The following CAMK4 variants were observed in gnomAD, a reference collection of about 807,000 sequenced individuals.
The protein encoded by CAMK4 is calcium/calmodulin-dependent protein kinase type IV.
A neutral mutation model predicts 44.9 loss-of-function variants in CAMK4; 22 were observed. The ratio of observed to expected loss-of-function variants is 0.49; its 90% CI spans 0.35 to 0.70. The LOEUF (loss-of-function observed/expected upper bound fraction) is 0.70, where lower values mean the gene tolerates loss of function less well. Ranked by LOEUF, CAMK4 falls within the 30% of genes least tolerant of loss-of-function variation. The probability of loss-of-function intolerance (pLI) is 0.01; values close to 1 mark genes in which losing one functional copy is unlikely to be tolerated. For missense variants in CAMK4, 498 were observed against 586.8 expected (o/e 0.85, Z 1.56); for synonymous variants, 218 against 215.4 (o/e 1.01, Z -0.11).
rs561112934 is a variant in CAMK4, at chr5:111,282,482, C to T, written c.161+57838C>T. Among the ~76,000 whole-genome samples the T allele has an allele frequency of 8.5e-5, 13 of 152,176 alleles. No homozygotes were observed. The East Asian group carries it at 2.5e-3, about 29-fold the overall frequency. ...CTCATTTTAAAAGTAGAACTTTTTG[C>T]GTGAATCAGTTAAATCACATTTTTC... On this transcript the variant is annotated intron_variant, in intron 1 of 10. Coordinates refer to ENST00000282356, the MANE Select transcript of CAMK4 (RefSeq NM_001744.6).
At chr5:111,283,167 T>C (rs1751092221) in intron 1 of CAMK4, 1 of 152,236 alleles carries the variant, frequency 6.6e-6, no homozygotes, top group South Asian at 2.1e-4. Flanking sequence ...TAGATTTGCA[T>C]AAAGATCTAT....
chr5:111,474,959 C>A (rs1482643619), intron 8 of CAMK4, among the ~76,000 whole-genome samples: 2 of 152,118 alleles, frequency 1.3e-5, no homozygotes, highest in Non-Finnish European at 2.9e-5. Flanking sequence ...GTCAGGAGAT[C>A]GAGACCATCC....
At chr5:111,369,967 A>T (rs1377143210) in intron 2 of CAMK4, among the ~76,000 whole-genome samples, 2 of 152,120 alleles carry the variant, frequency 1.3e-5, no homozygotes, top group Non-Finnish European at 2.9e-5. Context: ...ACCCACAGAT[A>T]TGGAGGGCTG....
chr5:111,353,037 G>A (rs1251509280), intron 2 of CAMK4, among the ~76,000 whole-genome samples: 1 of 151,976 alleles, frequency 6.6e-6, no homozygotes. Flanking sequence ...ACCTGCTATA[G>A]GAAACAGTTT....
intron 1 of CAMK4, among the ~76,000 whole-genome samples, chr5:111,296,313 C>A (rs1276665210): frequency 2.0e-5 from 3 of 152,158 alleles, no homozygotes; most frequent in African/African-American, 4.8e-5. Context: ...GTTAATAACA[C>A]CCCTATATTC....
chr5:111,482,887 G>A lies in CAMK4; in HGVS notation c.931G>A (p.Asp311Asn), dbSNP rs754754366. ...TAAAGCAGCCAATTTTGTACACATGGATACCGCTCAAAAGAAGCTCCAAGA... is the reference window on the plus strand; with the variant it reads ...TAAAGCAGCCAATTTTGTACACATGAATACCGCTCAAAAGAAGCTCCAAGA... ...TGKAANFVHM[D>N]TAQKKLQEFN... is the part of the protein sequence containing the mutation. Residue 311 changes from aspartate (D) to asparagine (N), a missense_variant, in exon 10 of 11, where the codon GAT becomes AAT. Asp to Asn is a conservative substitution (Grantham distance 23). Transcript: ENST00000282356. This position sits in a 1 kb window ranked among gnomAD's most constrained non-coding sequence, Gnocchi z 4.9. 2 of 1,613,114 alleles carry A rather than the reference G, an allele frequency of 1.2e-6. No individual in the cohort carries two copies. The highest frequency in any genetic ancestry group is 1.7e-6 in the Non-Finnish European group (2 of 1,179,574).
In CAMK4 at chr5:111,399,947, G is replaced by A. The variant is rs116294456; in HGVS notation, c.459+5165G>A. Among the ~76,000 whole-genome samples the A allele has an allele frequency of 4.7e-3, 721 of 152,262 alleles. 4 individuals are homozygous for A. The highest frequency in any genetic ancestry group is 0.017 in the African/African-American group (699 of 41,550). ...TGAAAAATGGATGTTCTCAGCATCA[G>A]AATTTTCCACCTGTTGGAGTTATAC... On this transcript the variant is annotated intron_variant, in intron 5 of 10. Coordinates refer to ENST00000282356, the MANE Select transcript of CAMK4 (RefSeq NM_001744.6).
intron 1 of CAMK4, among the ~76,000 whole-genome samples, chr5:111,312,029 A>G (rs1748227090): frequency 6.6e-6 from 1 of 152,198 alleles, no homozygotes; most frequent in African/African-American, 2.4e-5. Context: ...ATCCTAGAAA[A>G]TGTTAGTCCT....
intron 2 of CAMK4, among the ~76,000 whole-genome samples, chr5:111,373,466 A>G (rs1458120083): frequency 6.6e-6 from 1 of 152,168 alleles, no homozygotes; most frequent in Non-Finnish European, 1.5e-5. Flanking sequence ...GAACATATAA[A>G]GTTGGAAAAA....
intron 1 of CAMK4, among the ~76,000 whole-genome samples, chr5:111,321,080 C>G (rs1458734344): frequency 6.6e-6 from 1 of 152,102 alleles, no homozygotes; most frequent in Non-Finnish European, 1.5e-5. Flanking sequence ...TACCTACACC[C>G]CTGGAAGTGA....
intron 10 of CAMK4, 82 bp from the exon 11 acceptor site, chr5:111,483,944 C>A: frequency 9.1e-7 from 1 of 1,095,856 alleles, no homozygotes; most frequent in South Asian, 2.0e-5. Context: ...AAACGGAATC[C>A]CTAAAAGCAA....
chr5:111,395,038 A>T (rs934464322), intron 5 of CAMK4, among the ~76,000 whole-genome samples: 2 of 151,874 alleles, frequency 1.3e-5, no homozygotes, highest in African/African-American at 2.4e-5. Context: ...GTGAAACGCC[A>T]TATCTAATAA....
chr5:111,310,494 G>A lies in CAMK4; in HGVS notation c.162-33530G>A, dbSNP rs529810430. Among the ~76,000 whole-genome samples, 11 of 152,274 alleles carry A rather than the reference G, an allele frequency of 7.2e-5. No homozygotes were observed. In the South Asian group the frequency reaches 2.3e-3, roughly 32 times the overall value. ...ATCTGAATTTTACCCATTGGCAATAGGGGGTAATTGAAAGGTTTTAAAAAG... is the reference window on the plus strand; with the variant it reads ...ATCTGAATTTTACCCATTGGCAATAAGGGGTAATTGAAAGGTTTTAAAAAG... On this transcript the variant is annotated intron_variant, in intron 1 of 10. Coordinates refer to ENST00000282356, the MANE Select transcript of CAMK4 (RefSeq NM_001744.6).
At chr5:111,254,759 T>TA (rs1365240918) in intron 1 of CAMK4, among the ~76,000 whole-genome samples, 1 of 152,168 alleles carries the variant, frequency 6.6e-6, no homozygotes, top group Non-Finnish European at 1.5e-5. Flanking sequence ...CTCTACATCA[T>TA]TAGGCACCTG....
chr5:111,374,928 C>A lies in CAMK4; in HGVS notation c.303+16C>A, dbSNP rs764484989. The stretch of plus-strand genomic sequence containing the variant: ...TCCAAACATTGTAAGTGGTTTTTAA[C>A]CTACTATTTCAAATGATTGCCAGAG... On this transcript the variant is annotated intron_variant, in intron 3 of 10. Coordinates refer to ENST00000282356, the MANE Select transcript of CAMK4 (RefSeq NM_001744.6). The A allele has an allele frequency of 1.3e-6, 2 of 1,565,954 alleles. No homozygotes were observed. Among genetic ancestry groups the A allele is most frequent in the Non-Finnish European group, 8.8e-7 (1 of 1,136,980 alleles).
chr5:111,448,534 G>C (rs565737947), intron 6 of CAMK4, among the ~76,000 whole-genome samples: 2 of 152,192 alleles, frequency 1.3e-5, no homozygotes, highest in Non-Finnish European at 2.9e-5. Flanking sequence ...TTGGCTGGGC[G>C]CGGGGGCTCA....
rs1176120789 is a variant in CAMK4 at position 111,469,144 on chromosome 5, C to CAA, written c.626-4139_626-4138dup. The stretch of plus-strand genomic sequence containing the variant: ...GGGCAACAAGAGTGAAACTCCATCT[C>CAA]AAAAAAAAAAAAAAAAAAAAAAAAA... On this transcript the variant is annotated intron_variant, in intron 7 of 10. Transcript: ENST00000282356. 2.3e-3 allele frequency among the ~76,000 whole-genome samples: 155 copies of CAA among 67,486 alleles called. 9 individuals carry two copies. Among genetic ancestry groups the CAA allele is most frequent in the East Asian group, 5.2e-3 (7 of 1,334 alleles). The allele number at this position is 67,486 out of a possible 152,430, so 44.3% of individuals were successfully genotyped here.
At chr5:111,480,080 C>T (rs1755379634) in intron 9 of CAMK4, among the ~76,000 whole-genome samples, 1 of 152,116 alleles carries the variant, frequency 6.6e-6, no homozygotes, top group Admixed American at 6.5e-5. Context: ...CTGCCACTCT[C>T]TCCTGTGCCA....
intron 1 of CAMK4, among the ~76,000 whole-genome samples, chr5:111,251,331 T>G (rs1749481915): frequency 6.6e-6 from 1 of 152,224 alleles, no homozygotes; most frequent in Non-Finnish European, 1.5e-5. Flanking sequence ...AGGAAGAGAT[T>G]TCTTTTTGAA....
Sources: allele counts gnomAD v4.1 joint callset (sites outside exome capture counted in the v4.1 genomes callset), GRCh38; gene constraint gnomAD v4.1.1; non-coding constraint Gnocchi (gnomAD v3.1); transcripts MANE v1.5; gene names NCBI Gene and HGNC (gene_info 2026-07-23, HGNC 2026-07-21).